ELP4: variants seen among roughly 807,000 people sequenced by gnomAD.
ELP4 encodes elongator complex protein 4.
A neutral mutation model predicts 48.9 loss-of-function variants in ELP4; 51 were observed. That is an observed-to-expected ratio of 1.04 (90% CI 0.83 to 1.32). ELP4 has a LOEUF of 1.32. ELP4 is among the 40% of genes most tolerant of loss of function. The pLI, the probability that ELP4 is intolerant of heterozygous loss-of-function variation, is 0.00. For missense variants in ELP4, 519 were observed against 514.6 expected (o/e 1.01, Z -0.08); for synonymous variants, 210 against 189.2 (o/e 1.11, Z -0.90).
chr11:31,585,587 G>C (rs1397330350), intron 3 of ELP4, among the ~76,000 whole-genome samples: 1 of 151,934 alleles, frequency 6.6e-6, no homozygotes, highest in Non-Finnish European at 1.5e-5. Flanking sequence ...AAGAACACAA[G>C]GAAATTCCTC....
intron 3 of ELP4, among the ~76,000 whole-genome samples, chr11:31,561,010 G>A (rs1431861529): frequency 2.0e-5 from 3 of 152,094 alleles, no homozygotes; most frequent in African/African-American, 7.2e-5. Context: ...ATTTTTCTAA[G>A]TACACTCTGT....
At chr11:31,550,554 C>G (rs1223210165) in intron 3 of ELP4, among the ~76,000 whole-genome samples, 2 of 152,132 alleles carry the variant, frequency 1.3e-5, no homozygotes, top group East Asian at 3.8e-4. Context: ...GTCTTTTTTA[C>G]TTTAACTGAA....
Position 31,509,937 on chromosome 11 carries a change from C to T in ELP4, c.153C>T (p.Gly51=), listed in dbSNP as rs11557018. ...DSGPRLVSIA[G]TRPSVRNGQL... Reference sequence around the variant, plus strand: ...GCCCTCGACTGGTGTCCATTGCGGGCACGCGACCGTCGGTGCGGAATGGAC... The same window carrying T: ...GCCCTCGACTGGTGTCCATTGCGGGTACGCGACCGTCGGTGCGGAATGGAC... Residue 51 remains glycine (G), a synonymous_variant, in exon 1 of 10, where the codon GGC becomes GGT. Coordinates refer to ENST00000640961, the MANE Select transcript of ELP4 (RefSeq NM_019040.5). 1 of 1,613,692 alleles carries T rather than the reference C, an allele frequency of 6.2e-7. No homozygotes were observed. Among genetic ancestry groups the T allele is most frequent in the Non-Finnish European group, 8.5e-7 (1 of 1,180,020 alleles).
intron 9 of ELP4, among the ~76,000 whole-genome samples, chr11:31,665,943 A>G (rs941226513): frequency 6.6e-6 from 1 of 150,984 alleles, no homozygotes; most frequent in Non-Finnish European, 1.5e-5. Flanking sequence ...GTATGAGCCA[A>G]GGTGCCCAGC....
chr11:31,714,810 T>G (rs779031026), intron 9 of ELP4: 23 of 398,236 alleles, frequency 5.8e-5, no homozygotes, highest in African/African-American at 1.9e-4. Flanking sequence ...AACTCTCTGG[T>G]TTTTTTTCTG....
intron 9 of ELP4, among the ~76,000 whole-genome samples, chr11:31,706,448 T>A (rs964433362): frequency 6.7e-6 from 1 of 148,670 alleles, no homozygotes; most frequent in Non-Finnish European, 1.5e-5. Context: ...CTAGTCTATA[T>A]AGTGAGACCC....
chr11:31,523,130 G>A lies in ELP4; in HGVS notation c.259+3039G>A, dbSNP rs369986316. ...TCAAGCAGTCCTCCTGCCTCAGCCC[G>A]CAGAGTGCTGGGATGATTGGTGTGA... On this transcript the variant is annotated intron_variant, in intron 2 of 9. Transcript: ENST00000640961. Among the ~76,000 whole-genome samples the A allele has an allele frequency of 2.6e-5, 4 of 151,480 alleles. No homozygotes were observed. The South Asian group carries it at 6.3e-4, about 24-fold the overall frequency.
In ELP4 at chr11:31,520,849, C is replaced by T. The variant is rs147919936; in HGVS notation, c.259+758C>T. On this transcript the variant is annotated intron_variant, in intron 2 of 9. Transcript: ENST00000640961. ...GGTTTTATATGTTAGGGTTTTCACACACCTCACTGTTCTGATTATTCTTTT... is the reference window on the plus strand; with the variant it reads ...GGTTTTATATGTTAGGGTTTTCACATACCTCACTGTTCTGATTATTCTTTT... Among the ~76,000 whole-genome samples the T allele has an allele frequency of 7.1e-3, 1,074 of 152,156 alleles. 12 individuals are homozygous for T. Among genetic ancestry groups the T allele is most frequent in the African/African-American group, 0.025 (1,032 of 41,532 alleles).
At chr11:31,559,834 C>T (rs1001901167) in intron 3 of ELP4, among the ~76,000 whole-genome samples, 1 of 149,218 alleles carries the variant, frequency 6.7e-6, no homozygotes, top group African/African-American at 2.5e-5. Context: ...ATCCAGGAGG[C>T]AGAGGTTGCG....
intron 9 of ELP4, among the ~76,000 whole-genome samples, chr11:31,700,006 A>G (rs1289133829): frequency 6.6e-6 from 1 of 152,144 alleles, no homozygotes. Flanking sequence ...GCAGTTGACA[A>G]AGTTTGAATG....
chr11:31,694,752 G>C (rs753564486), intron 9 of ELP4, among the ~76,000 whole-genome samples: 1 of 152,180 alleles, frequency 6.6e-6, no homozygotes, highest in Non-Finnish European at 1.5e-5. Context: ...ATTTTGGGCA[G>C]TACGGCCATT....
intron 7 of ELP4, chr11:31,633,408 C>G (rs891684214): frequency 6.6e-6 from 1 of 152,006 alleles, no homozygotes; most frequent in African/African-American, 2.4e-5. Context: ...CATAGCAAGT[C>G]CCCATCTCTA....
chr11:31,510,679 A>G (rs1382006507), intron 1 of ELP4: 1 of 293,840 alleles, frequency 3.4e-6, no homozygotes, highest in African/African-American at 2.2e-5. Flanking sequence ...TACATTCCAT[A>G]CGACATCTTT....
chr11:31,535,349 T>C (rs1271711445), intron 2 of ELP4, among the ~76,000 whole-genome samples: 2 of 152,134 alleles, frequency 1.3e-5, no homozygotes, highest in Non-Finnish European at 2.9e-5. Context: ...TTTATTTTAT[T>C]GAATTATTTT....
At chr11:31,535,816 A>G (rs141104385) in intron 2 of ELP4, among the ~76,000 whole-genome samples, 16 of 152,308 alleles carry the variant, frequency 1.1e-4, no homozygotes, top group African/African-American at 3.8e-4. Flanking sequence ...TGCTTTCTAT[A>G]GAATATCGTG....
At position 31,691,133 on chromosome 11, in the gene ELP4, A is replaced by G. The variant is rs117144016; in HGVS notation, c.1143+40912A>G. Among the ~76,000 whole-genome samples, 476 of 152,214 alleles carry G rather than the reference A, an allele frequency of 3.1e-3. 6 individuals carry two copies. Among genetic ancestry groups the G allele is most frequent in the East Asian group, 0.023 (121 of 5,184 alleles). The stretch of plus-strand genomic sequence containing the variant: ...CTTATGAATTTAAACATGACTAAAG[A>G]TGAATTTCTTAATGTGTACATTATG... On this transcript the variant is annotated intron_variant, in intron 9 of 9. Coordinates refer to ENST00000640961, the MANE Select transcript of ELP4 (RefSeq NM_019040.5).
chr11:31,511,886 C>G (rs1229117428), intron 1 of ELP4: 1 of 152,076 alleles, frequency 6.6e-6, no homozygotes, highest in East Asian at 1.9e-4. Flanking sequence ...GTGTAACAAG[C>G]TTATGCTAAA....
chr11:31,687,809 A>G (rs1448685792), intron 9 of ELP4: 2 of 152,134 alleles, frequency 1.3e-5, no homozygotes, highest in African/African-American at 2.4e-5. Flanking sequence ...TAAACTTTGT[A>G]TTTTTCTATA....
intron 9 of ELP4, among the ~76,000 whole-genome samples, chr11:31,774,559 A>T (rs1387749570): frequency 6.6e-6 from 1 of 152,144 alleles, no homozygotes; most frequent in Non-Finnish European, 1.5e-5. Flanking sequence ...TTATAAATGA[A>T]TTTGCTTAAA....
Sources: allele counts gnomAD v4.1 joint callset (sites outside exome capture counted in the v4.1 genomes callset), GRCh38; gene constraint gnomAD v4.1.1; transcripts MANE v1.5; gene names NCBI Gene and HGNC (gene_info 2026-07-23, HGNC 2026-07-21).